SCMH1: variants seen among roughly 807,000 people sequenced by gnomAD.
SCMH1 encodes the protein polycomb protein SCMH1.
SCMH1 carries 37 observed loss-of-function variants against 70.8 expected under a neutral mutation model. That is an observed-to-expected ratio of 0.52 (90% CI 0.40 to 0.69). The LOEUF is 0.69. Ranked by LOEUF, SCMH1 falls within the 30% of genes least tolerant of loss-of-function variation. The pLI, the probability that SCMH1 is intolerant of heterozygous loss-of-function variation, is 0.00. For synonymous variants in SCMH1, 292 were observed against 307.4 expected, an observed-to-expected ratio of 0.95 and a Z score of 0.52; for missense variants, 607 against 827.3, an observed-to-expected ratio of 0.73 and a Z score of 3.27.
At chr1:41,222,675 G>A (rs1486756380) in intron 1 of SCMH1, among the ~76,000 whole-genome samples, 1 of 152,104 alleles carries the variant, frequency 6.6e-6, no homozygotes, top group African/African-American at 2.4e-5. Context: ...TGGGTATTAC[G>A]GTCCACCAAC....
At chr1:41,174,805 C>T (rs35613919) in intron 2 of SCMH1, among the ~76,000 whole-genome samples, 2,772 of 152,180 alleles carry the variant, frequency 0.018, 35 homozygotes, top group Non-Finnish European at 0.027. Flanking sequence ...GACTTTATAT[C>T]AATATTTAAG....
chr1:41,146,179 G>GTAA (rs894274255), intron 5 of SCMH1, among the ~76,000 whole-genome samples: 2 of 150,712 alleles, frequency 1.3e-5, no homozygotes, highest in African/African-American at 2.4e-5. Context: ...TAGGCCTAGG[G>GTAA]TAATGTCTTA....
At chr1:41,195,615 A>G (rs1557793227) in intron 1 of SCMH1, among the ~76,000 whole-genome samples, 1 of 152,214 alleles carries the variant, frequency 6.6e-6, no homozygotes, top group Admixed American at 6.5e-5. Flanking sequence ...ATTATACTCA[A>G]TGGTGAAAGA....
intron 2 of SCMH1, among the ~76,000 whole-genome samples, chr1:41,180,107 C>T (rs1474582292): frequency 6.6e-6 from 1 of 152,182 alleles, no homozygotes; most frequent in African/African-American, 2.4e-5. Context: ...GAACCAACGA[C>T]AAAAACCATA....
intron 6 of SCMH1, among the ~76,000 whole-genome samples, chr1:41,130,094 T>C (rs1674264843): frequency 6.6e-6 from 1 of 152,222 alleles, no homozygotes; most frequent in Non-Finnish European, 1.5e-5. Context: ...ATCATGAACA[T>C]ATTTTCATGT....
At chr1:41,236,629 CT>C (rs1662439595) in intron 1 of SCMH1, among the ~76,000 whole-genome samples, 1 of 152,308 alleles carries the variant, frequency 6.6e-6, no homozygotes, top group Middle Eastern at 3.4e-3. Context: ...CAGGGCCCCC[CT>C]CTGCCCTTTG....
chr1:41,108,670 GAA>G lies in SCMH1; in HGVS notation c.745+4611_745+4612del, dbSNP rs1393565317. Among the ~76,000 whole-genome samples the G allele has an allele frequency of 3.3e-5, 5 of 152,274 alleles. No homozygotes were observed. In the South Asian group the frequency reaches 6.2e-4, roughly 19 times the overall value. On this transcript the variant is annotated intron_variant, in intron 8 of 14. Transcript: ENST00000337495. Reference sequence around the variant, plus strand: ...GGATACTACTTGGCTTAGAAAAGGAGAAAAAGAGAGGCAGCAGACAGCTGGCA... The same window carrying G: ...GGATACTACTTGGCTTAGAAAAGGAGAAAGAGAGGCAGCAGACAGCTGGCA...
At chr1:41,227,068 G>C (rs752092358) in intron 1 of SCMH1, among the ~76,000 whole-genome samples, 1 of 152,214 alleles carries the variant, frequency 6.6e-6, no homozygotes, top group Non-Finnish European at 1.5e-5. Flanking sequence ...TGTTAGCTCT[G>C]CTGATTTAAA....
chr1:41,028,484 T>A lies in SCMH1; in HGVS notation c.1821+100A>T, dbSNP rs1344744266. The A allele has an allele frequency of 3.2e-6, 5 of 1,538,962 alleles. No homozygotes were observed. In the African/African-American group the frequency reaches 6.8e-5, roughly 21 times the overall value. ...AAGCCTACCTGTTCTCCTCAGCCTTTGTCTCTAAGCATCCCTCCTCCCCAA... is the reference window on the plus strand; with the variant it reads ...AAGCCTACCTGTTCTCCTCAGCCTTAGTCTCTAAGCATCCCTCCTCCCCAA... On this transcript the variant is annotated intron_variant, in intron 14 of 14. Transcript: ENST00000337495.
At chr1:41,238,774 G>T (rs1397160980) in intron 1 of SCMH1, among the ~76,000 whole-genome samples, 1 of 152,144 alleles carries the variant, frequency 6.6e-6, no homozygotes, top group Non-Finnish European at 1.5e-5. Flanking sequence ...ACTTAACTCC[G>T]ATATTCCACT....
chr1:41,073,136 T>G (rs1571807763), intron 9 of SCMH1, among the ~76,000 whole-genome samples: 1 of 152,296 alleles, frequency 6.6e-6, no homozygotes, highest in East Asian at 1.9e-4. Flanking sequence ...TAAAGGCCAT[T>G]TAACCCAACC....
chr1:41,037,901 T>C (rs1471011222), intron 12 of SCMH1: 1 of 182,240 alleles, frequency 5.5e-6, no homozygotes, highest in Non-Finnish European at 1.2e-5. Context: ...GACACATTGC[T>C]TAGATGAAGG....
chr1:41,056,959 GA>G (rs1650538939), intron 10 of SCMH1, among the ~76,000 whole-genome samples: 1 of 152,204 alleles, frequency 6.6e-6, no homozygotes, highest in African/African-American at 2.4e-5. Flanking sequence ...TCCCTCAGGA[GA>G]AACTATTTTA....
At chr1:41,118,520 C>T (rs183521300) in intron 6 of SCMH1, among the ~76,000 whole-genome samples, 6 of 152,288 alleles carry the variant, frequency 3.9e-5, no homozygotes, top group Admixed American at 3.3e-4. Flanking sequence ...TCTCTTATCA[C>T]TTTCTGTCTT....
intron 1 of SCMH1, among the ~76,000 whole-genome samples, chr1:41,240,269 T>C (rs1663243062): frequency 6.6e-6 from 1 of 152,248 alleles, no homozygotes; most frequent in Non-Finnish European, 1.5e-5. Flanking sequence ...CACTGAAACT[T>C]TGCTTAGTAC....
chr1:41,147,168 C>T (rs1231237641), intron 5 of SCMH1, among the ~76,000 whole-genome samples: 1 of 152,158 alleles, frequency 6.6e-6, no homozygotes, highest in Admixed American at 6.5e-5. Context: ...TGGTATTGAG[C>T]ATCTCTATTC....
chr1:41,027,749 G>A (rs1333157436), exon 15 of SCMH1: 1 of 157,176 alleles, frequency 6.4e-6, no homozygotes, highest in Non-Finnish European at 1.4e-5. Flanking sequence ...TTAACAATAA[G>A]ATCTTTTTGT....
chr1:41,156,082 A>T (rs560573849), intron 4 of SCMH1, among the ~76,000 whole-genome samples: 3 of 151,436 alleles, frequency 2.0e-5, no homozygotes, highest in African/African-American at 7.3e-5. Flanking sequence ...TTAGCTATTT[A>T]GCTATTACTC....
intron 8 of SCMH1, among the ~76,000 whole-genome samples, chr1:41,082,604 C>A (rs1267547586): frequency 6.6e-6 from 1 of 152,158 alleles, no homozygotes; most frequent in South Asian, 2.1e-4. Context: ...CCAGCCACTG[C>A]AAAAACATGC....
Sources: gnomAD v4.1 joint callset for allele counts (sites outside exome capture counted in the v4.1 genomes callset) on GRCh38, gnomAD v4.1.1 for gene constraint, MANE v1.5 for transcripts, NCBI Gene and HGNC (gene_info 2026-07-23, HGNC 2026-07-21) for gene names.